Variants in CHODL observed in about 807,000 individuals in gnomAD.
The protein encoded by CHODL is transmembrane protein MT75.
Under a neutral mutation model 34.5 loss-of-function variants are expected in CHODL, and 29 were observed. The observed-to-expected ratio is 0.84, with a 90% CI of 0.63 to 1.15. CHODL has a LOEUF of 1.15. Ranked by LOEUF, CHODL falls within the 50% of genes most tolerant of loss-of-function variation. The pLI, the probability that CHODL is intolerant of heterozygous loss-of-function variation, is 0.00. For missense variants in CHODL, 332 were observed against 332.5 expected (o/e 1.00, Z 0.01); for synonymous variants, 125 against 116.1 (o/e 1.08, Z -0.49).
chr21:18,143,187 G>A (rs1161525348), intron 2 of CHODL, among the ~76,000 whole-genome samples: 2 of 152,188 alleles, frequency 1.3e-5, no homozygotes, highest in African/African-American at 4.8e-5. Context: ...GGCACGAAGT[G>A]CTAGGAGCAT....
At chr21:17,990,195 T>C (rs2063785962) in intron 1 of CHODL, among the ~76,000 whole-genome samples, 1 of 151,980 alleles carries the variant, frequency 6.6e-6, no homozygotes, top group Non-Finnish European at 1.5e-5. Context: ...TATAAAAACA[T>C]TATAATATAA....
At chr21:18,160,737 T>G (rs1204431418) in intron 2 of CHODL, among the ~76,000 whole-genome samples, 2 of 152,240 alleles carry the variant, frequency 1.3e-5, no homozygotes, top group Non-Finnish European at 2.9e-5. Context: ...CTATCATTGA[T>G]GGACATTTAT....
intron 2 of CHODL, among the ~76,000 whole-genome samples, chr21:18,185,952 C>G (rs564106535): frequency 1.9e-4 from 29 of 152,214 alleles, no homozygotes; most frequent in African/African-American, 6.5e-4. Flanking sequence ...CCTTCTAATA[C>G]CATCGCCTTA....
chr21:17,953,964 G>A (rs551827811), intron 1 of CHODL, among the ~76,000 whole-genome samples: 11 of 152,250 alleles, frequency 7.2e-5, no homozygotes, highest in African/African-American at 2.4e-4. Context: ...AGCTGAGACT[G>A]TGCCACTGCA....
At chr21:18,249,019 T>C (rs1250039675) in intron 1 of CHODL, among the ~76,000 whole-genome samples, 16 of 120,742 alleles carry the variant, frequency 1.3e-4, no homozygotes, top group Non-Finnish European at 1.9e-4. Context: ...ATATATATTA[T>C]ACATAATATT....
intron 2 of CHODL, among the ~76,000 whole-genome samples, chr21:18,153,165 G>A (rs923938526): frequency 2.0e-5 from 3 of 152,176 alleles, no homozygotes; most frequent in Admixed American, 6.5e-5. Context: ...TCCAGGCACA[G>A]CTTAGCTCAG....
At chr21:17,941,421 A>T (rs2063362366) in intron 1 of CHODL, among the ~76,000 whole-genome samples, 1 of 147,560 alleles carries the variant, frequency 6.8e-6, no homozygotes, top group South Asian at 2.2e-4. Flanking sequence ...TAAAATACAC[A>T]TGCATGCATA....
chr21:18,012,921 A>G (rs1317227905), intron 1 of CHODL, among the ~76,000 whole-genome samples: 1 of 141,022 alleles, frequency 7.1e-6, no homozygotes, highest in African/African-American at 2.7e-5. Context: ...CAGTAAATGG[A>G]TAAATAAATG....
chr21:18,030,480 A>C (rs932606643), intron 2 of CHODL, among the ~76,000 whole-genome samples: 6 of 152,198 alleles, frequency 3.9e-5, no homozygotes, highest in Non-Finnish European at 5.9e-5. Flanking sequence ...AACTGATGTC[A>C]TTAACCACAG....
chr21:18,039,119 C>T (rs570186933), intron 2 of CHODL, among the ~76,000 whole-genome samples: 19 of 151,492 alleles, frequency 1.3e-4, no homozygotes, highest in Non-Finnish European at 2.4e-4. Context: ...AATTCTGAAT[C>T]GAGGGATTCT....
intron 2 of CHODL, among the ~76,000 whole-genome samples, chr21:18,210,286 A>G (rs1024425767): frequency 1.3e-5 from 2 of 152,156 alleles, no homozygotes; most frequent in South Asian, 2.1e-4. Flanking sequence ...GTTCCAGTGC[A>G]ATGTCCCACA....
intron 1 of CHODL, 53 bp from the exon 2 acceptor site, chr21:18,256,456 T>C: frequency 6.7e-7 from 1 of 1,484,264 alleles, no homozygotes; most frequent in Non-Finnish European, 9.1e-7. Flanking sequence ...CTTAGTGTTG[T>C]TACAAATAGA....
At chr21:18,037,219 T>A (rs953951123) in intron 2 of CHODL, among the ~76,000 whole-genome samples, 1 of 151,964 alleles carries the variant, frequency 6.6e-6, no homozygotes, top group African/African-American at 2.4e-5. Flanking sequence ...AGCGATCCTA[T>A]GTCTTGGAAG....
At chr21:18,030,494 C>G (rs1430619085) in intron 2 of CHODL, among the ~76,000 whole-genome samples, 1 of 152,168 alleles carries the variant, frequency 6.6e-6, no homozygotes, top group Non-Finnish European at 1.5e-5. Flanking sequence ...ACCACAGAAA[C>G]TGTGACATAC....
chr21:18,187,947 C>T (rs1237322903), intron 2 of CHODL, among the ~76,000 whole-genome samples: 1 of 152,032 alleles, frequency 6.6e-6, no homozygotes, highest in Non-Finnish European at 1.5e-5. Context: ...TCACCATAAT[C>T]TTTTTCTGTA....
rs141877265 is a variant in CHODL at position 18,079,528 on chromosome 21, T to G, written c.-45+51557T>G. ...ATCACACATATATACCATAGAATAT[T>G]ATATATATACCATATGTATGTGATA... On this transcript the variant is annotated intron_variant, in intron 2 of 6. Coordinates refer to the CHODL transcript ENST00000400127. Among the ~76,000 whole-genome samples the G allele has an allele frequency of 2.0e-3, 292 of 149,544 alleles. 4 individuals carry two copies. In the East Asian group the frequency reaches 0.046, roughly 24 times the overall value.
At chr21:18,151,646 G>A (rs1473895154) in intron 2 of CHODL, among the ~76,000 whole-genome samples, 1 of 152,238 alleles carries the variant, frequency 6.6e-6, no homozygotes, top group East Asian at 1.9e-4. Flanking sequence ...GATATCGGCA[G>A]ACGGGGAATA....
At chr21:17,938,648 T>C (rs1241953170) in intron 1 of CHODL, among the ~76,000 whole-genome samples, 1 of 151,874 alleles carries the variant, frequency 6.6e-6, no homozygotes, top group Non-Finnish European at 1.5e-5. Flanking sequence ...CTGGCTAATG[T>C]TTTGTATTTT....
chr21:18,103,970 T>A (rs560349416), intron 2 of CHODL, among the ~76,000 whole-genome samples: 19 of 152,308 alleles, frequency 1.2e-4, no homozygotes, highest in African/African-American at 4.3e-4. Flanking sequence ...TAAAACCTAC[T>A]CCAGTACAGT....
Sources: allele counts gnomAD v4.1 joint callset (sites outside exome capture counted in the v4.1 genomes callset), GRCh38; gene constraint gnomAD v4.1.1; transcripts MANE v1.5; gene names NCBI Gene and HGNC (gene_info 2026-07-23, HGNC 2026-07-21).